Variants in BOP1 observed in about 807,000 individuals in gnomAD.
BOP1 encodes the protein ribosome biogenesis protein BOP1.
BOP1 carries 54 observed loss-of-function variants against 82.9 expected under a neutral mutation model. The ratio of observed to expected loss-of-function variants is 0.65; its 90% CI spans 0.52 to 0.82. The LOEUF is 0.82. BOP1 is among the 40% of genes least tolerant of loss of function. The probability of loss-of-function intolerance (pLI) is 0.00; values close to 1 mark genes in which losing one functional copy is unlikely to be tolerated. For missense variants in BOP1, 1,170 were observed against 1,072.0 expected (o/e 1.09, Z -1.28); for synonymous variants, 566 against 451.1 (o/e 1.25, Z -3.23).
intron 3 of BOP1, among the ~76,000 whole-genome samples, chr8:144,271,822 C>A (rs1278494277): frequency 1.3e-5 from 2 of 152,204 alleles, no homozygotes; most frequent in African/African-American, 4.8e-5. Context: ...GGCCCGGCTC[C>A]CGCCAACCAC....
rs914371002 is a variant in BOP1, at chr8:144,267,885, G to A, written c.391-2814C>T. Among the ~76,000 whole-genome samples the A allele has an allele frequency of 8.8e-3, 1,340 of 152,260 alleles. 7 individuals are homozygous for A. The highest frequency in any genetic ancestry group is 0.017 in the African/African-American group (702 of 41,532). ...CATTTCCTCTCCAGACAGCACGCGCGAGCTCCTGGGGCCTGAACATCTGGG... is the reference window on the plus strand; with the variant it reads ...CATTTCCTCTCCAGACAGCACGCGCAAGCTCCTGGGGCCTGAACATCTGGG... On this transcript the variant is annotated intron_variant, in intron 3 of 15. Coordinates refer to ENST00000569669, the MANE Select transcript of BOP1 (RefSeq NM_015201.5).
intron 2 of BOP1, among the ~76,000 whole-genome samples, chr8:144,279,258 C>T (rs942596087): frequency 2.2e-4 from 33 of 151,888 alleles, no homozygotes; most frequent in African/African-American, 8.0e-4. Flanking sequence ...CCACCATGGG[C>T]CCCACGATCA....
In BOP1 at chr8:144,264,863, T is replaced by C. The variant is rs1292912793; in HGVS notation, c.546-32A>G. ...ACCGCCAGTCAGACCCCGCCAGCCC[T>C]GCCCCACCCCTCGGGCCCACCCCGG... On this transcript the variant is annotated intron_variant, in intron 4 of 15. Coordinates refer to ENST00000569669, the MANE Select transcript of BOP1 (RefSeq NM_015201.5). The C allele has an allele frequency of 2.4e-5, 39 of 1,607,698 alleles. No homozygotes were observed. In the Admixed American group the frequency reaches 5.2e-4, roughly 21 times the overall value.
chr8:144,263,779 G>T lies in BOP1; in HGVS notation c.1222-18C>A, dbSNP rs1311901343. The T allele has an allele frequency of 2.5e-6, 4 of 1,599,918 alleles. No homozygotes were observed. Among genetic ancestry groups the T allele is most frequent in the Non-Finnish European group, 2.6e-6 (3 of 1,174,922 alleles). On this transcript the variant is annotated intron_variant, in intron 9 of 15. Transcript: ENST00000569669. ...CTGTAGACCTGAGGAGGCGGCGGCA[G>T]TGAGGAGTCAGACTGGGAGGGTGCA... is the stretch of plus-strand genomic sequence containing the variant.
At chr8:144,262,766 CT>C in intron 13 of BOP1, 86 bp downstream of exon 13, 4 of 1,461,406 alleles carry the variant, frequency 2.7e-6, no homozygotes, top group Non-Finnish European at 2.8e-6. Flanking sequence ...GCAGGGTGCA[CT>C]GCCCCTACCC....
At position 144,262,296 on chromosome 8, in the gene BOP1, C is replaced by T; in HGVS notation, c.2109G>A (p.Leu703=). ...CCTTCAGCACCTTGACGGGCACCAG[C>T]AAGGGGTTCTGCAGAAGGTCACTGT... ...MVYNDLLQNP[L]LVPVKVLKGH... The change falls in exon 16 of 16, where the codon TTG becomes TTA. Residue 703 remains leucine, a synonymous_variant. Coordinates refer to ENST00000569669, the MANE Select transcript of BOP1 (RefSeq NM_015201.5). The T allele has an allele frequency of 6.2e-7, 1 of 1,612,856 alleles. No individual in the cohort carries two copies. Among genetic ancestry groups the T allele is most frequent in the Non-Finnish European group, 8.5e-7 (1 of 1,179,816 alleles).
intron 3 of BOP1, among the ~76,000 whole-genome samples, chr8:144,274,951 G>A (rs1198345637): frequency 6.6e-6 from 1 of 152,218 alleles, no homozygotes; most frequent in East Asian, 1.9e-4. Context: ...TGCGCGGCGT[G>A]GCCCCCCCGC....
intron 13 of BOP1, 75 bp downstream of exon 13, chr8:144,262,778 C>A (rs1554836603): frequency 7.5e-7 from 1 of 1,339,560 alleles, no homozygotes; most frequent in Non-Finnish European, 1.0e-6. Context: ...GCCCCTACCC[C>A]CACCCCTCAC....
chr8:144,277,719 C>T (rs1483000069), intron 2 of BOP1, among the ~76,000 whole-genome samples: 4 of 122,434 alleles, frequency 3.3e-5, no homozygotes, highest in Middle Eastern at 4.6e-3. Flanking sequence ...GGCGCAGCAT[C>T]CCCGTGGGAC....
In BOP1 at chr8:144,276,259, C is replaced by T; in HGVS notation, c.355G>A (p.Gly119Arg). The change falls in exon 3 of 16, where the codon GGG (glycine) becomes AGG (arginine). Residue 119 changes from glycine to arginine, a missense_variant. Gly to Arg is a moderately radical substitution (Grantham distance 125, BLOSUM62 -2). Transcript: ENST00000569669. ...PRTEMASARI[G>R]DEYAEDSSDE... ...GAGCTGTCCTCCGCATACTCATCCC[C>T]AATCCGGGCGCTCGCCATCTCTGTC... 1 of 1,613,668 alleles carries T rather than the reference C, an allele frequency of 6.2e-7. No individual in the cohort carries two copies. The highest frequency in any genetic ancestry group is 8.5e-7 in the Non-Finnish European group (1 of 1,179,832).
chr8:144,274,382 C>T (rs1475853339), intron 3 of BOP1, among the ~76,000 whole-genome samples: 5 of 152,210 alleles, frequency 3.3e-5, no homozygotes, highest in African/African-American at 1.2e-4. Flanking sequence ...CCCACTGTCT[C>T]ATGGGAGAGC....
chr8:144,274,090 G>A (rs1486293159), intron 3 of BOP1, among the ~76,000 whole-genome samples: 2 of 152,164 alleles, frequency 1.3e-5, no homozygotes, highest in African/African-American at 4.8e-5. Context: ...GGGTGGCAGG[G>A]AGGCACCTCC....
intron 2 of BOP1, among the ~76,000 whole-genome samples, chr8:144,276,766 C>A (rs1845573355): frequency 6.6e-6 from 1 of 152,202 alleles, no homozygotes; most frequent in Non-Finnish European, 1.5e-5. Flanking sequence ...GGAGACGCAG[C>A]CGTCGCAGCA....
At chr8:144,267,888 C>T (rs1164015187) in intron 3 of BOP1, among the ~76,000 whole-genome samples, 1 of 152,236 alleles carries the variant, frequency 6.6e-6, no homozygotes, top group African/African-American at 2.4e-5. Flanking sequence ...CACGCGCGAG[C>T]TCCTGGGGCC....
chr8:144,274,191 C>T (rs1372469839), intron 3 of BOP1, among the ~76,000 whole-genome samples: 3 of 151,618 alleles, frequency 2.0e-5, no homozygotes, highest in African/African-American at 2.4e-5. Context: ...CAGGAGCACA[C>T]GCCCCAGCGG....
At chr8:144,268,192 G>A (rs1002611951) in intron 3 of BOP1, 51 of 1,548,288 alleles carry the variant, frequency 3.3e-5, no homozygotes, top group South Asian at 2.4e-4. Flanking sequence ...GGAGGTGGAC[G>A]CCCGGGGTGA....
At chr8:144,274,060 A>AGGGGAGGTAGGTGGGCAGGGGGTGGC in intron 3 of BOP1, among the ~76,000 whole-genome samples, 1 of 152,076 alleles carries the variant, frequency 6.6e-6, no homozygotes, top group Non-Finnish European at 1.5e-5. Flanking sequence ...CCTGAGGAGA[A>AGGGGAGGTAGGTGGGCAGGGGGTGGC]GGGGAGGTAG....
chr8:144,285,222 G>A (rs1346876393), intron 2 of BOP1, among the ~76,000 whole-genome samples: 1 of 152,240 alleles, frequency 6.6e-6, no homozygotes, highest in Non-Finnish European at 1.5e-5. Context: ...AGGCGGCCTG[G>A]GGAGTGAGGC....
chr8:144,288,272 A>G (rs1271001653), intron 2 of BOP1, among the ~76,000 whole-genome samples: 6 of 140,852 alleles, frequency 4.3e-5, no homozygotes, highest in South Asian at 2.3e-4. Flanking sequence ...TCTGTCTTAG[A>G]AAAAAAAAAA....
Sources: gnomAD v4.1 joint callset for allele counts (sites outside exome capture counted in the v4.1 genomes callset) on GRCh38, gnomAD v4.1.1 for gene constraint, MANE v1.5 for transcripts, NCBI Gene and HGNC (gene_info 2026-07-23, HGNC 2026-07-21) for gene names.